Variants in XPR1 observed in about 807,000 individuals in gnomAD.
XPR1 encodes solute carrier family 53 member 1.
XPR1 carries 28 observed loss-of-function variants against 87.5 expected under a neutral mutation model. The ratio of observed to expected loss-of-function variants is 0.32; its 90% CI spans 0.24 to 0.44. The LOEUF is 0.44. Among genes scored for constraint, XPR1 ranks in the 20% least tolerant of loss-of-function variants. XPR1 has a pLI of 1.00. For synonymous variants in XPR1, 300 were observed against 306.1 expected, an observed-to-expected ratio of 0.98 and a Z score of 0.21; for missense variants, 559 against 862.3, an observed-to-expected ratio of 0.65 and a Z score of 4.41.
At chr1:180,646,668 T>C (rs1168031189) in intron 1 of XPR1, among the ~76,000 whole-genome samples, 1 of 152,182 alleles carries the variant, frequency 6.6e-6, no homozygotes, top group Non-Finnish European at 1.5e-5. Context: ...TCAAAGAAGC[T>C]CTCTGCTCAC....
At chr1:180,861,937 C>T (rs904091338) in intron 11 of XPR1, among the ~76,000 whole-genome samples, 5 of 151,786 alleles carry the variant, frequency 3.3e-5, no homozygotes, top group Admixed American at 1.3e-4. Flanking sequence ...TTCCATCATG[C>T]AAGTACAATA....
At chr1:180,696,108 G>T (rs1337880436) in intron 2 of XPR1, among the ~76,000 whole-genome samples, 1 of 148,796 alleles carries the variant, frequency 6.7e-6, no homozygotes, top group Non-Finnish European at 1.5e-5. Context: ...TCTTTCATTG[G>T]TGTTTTGTAG....
chr1:180,854,716 C>A (rs1187560169), intron 11 of XPR1, among the ~76,000 whole-genome samples: 1 of 152,156 alleles, frequency 6.6e-6, no homozygotes, highest in Non-Finnish European at 1.5e-5. Context: ...GGACTGGTTT[C>A]TGTTTAATTA....
intron 2 of XPR1, among the ~76,000 whole-genome samples, chr1:180,779,040 T>C (rs1019190844): frequency 6.6e-6 from 1 of 152,202 alleles, no homozygotes; most frequent in Non-Finnish European, 1.5e-5. Context: ...TCTTTAGGCA[T>C]CTCAGTTTCT....
chr1:180,706,095 T>TG (rs1657548577), intron 2 of XPR1, among the ~76,000 whole-genome samples: 1 of 152,210 alleles, frequency 6.6e-6, no homozygotes, highest in African/African-American at 2.4e-5. Context: ...CACTGGAGAA[T>TG]AGTTAGCTGT....
At chr1:180,775,250 C>CT in intron 2 of XPR1, among the ~76,000 whole-genome samples, 1 of 152,190 alleles carries the variant, frequency 6.6e-6, no homozygotes, top group South Asian at 2.1e-4. Context: ...AGTTAAGACT[C>CT]TTATGGTTCA....
chr1:180,831,010 C>G (rs1651036045), intron 9 of XPR1, among the ~76,000 whole-genome samples: 1 of 152,196 alleles, frequency 6.6e-6, no homozygotes, highest in East Asian at 1.9e-4. Context: ...CTGCCCAATA[C>G]ATTTAATACA....
At chr1:180,860,203 G>A (rs1313899612) in intron 11 of XPR1, among the ~76,000 whole-genome samples, 3 of 151,858 alleles carry the variant, frequency 2.0e-5, no homozygotes. Flanking sequence ...TTTTTTTAAT[G>A]ACAGTATCAA....
rs77502814 is a variant in XPR1 at position 180,829,413 on chromosome 1, G to C, written c.1134+4069G>C. Among the ~76,000 whole-genome samples the C allele has an allele frequency of 1.6e-3, 243 of 152,270 alleles. 1 individual carries two copies. The highest frequency in any genetic ancestry group is 5.5e-3 in the African/African-American group (229 of 41,544). ...CCAGATTAAGAAGAGAAGGAGGAGT[G>C]AGTTACAGAATTCTCTCCCAGAAGG... On this transcript the variant is annotated intron_variant, in intron 9 of 14. Coordinates refer to ENST00000367590, the MANE Select transcript of XPR1 (RefSeq NM_004736.4).
intron 2 of XPR1, among the ~76,000 whole-genome samples, chr1:180,720,329 A>G (rs1323827882): frequency 6.6e-6 from 1 of 152,168 alleles, no homozygotes; most frequent in African/African-American, 2.4e-5. Context: ...TTCAAATTCC[A>G]TTGTCTTAAA....
chr1:180,880,359 G>A (rs984954463), intron 14 of XPR1, 62 bp downstream of exon 14: 81 of 1,572,418 alleles, frequency 5.2e-5, no homozygotes, highest in African/African-American at 8.1e-5. Context: ...TGGGTAGCAT[G>A]TAAGCTAAAA....
At chr1:180,638,836 C>G (rs1654870198) in intron 1 of XPR1, among the ~76,000 whole-genome samples, 1 of 152,024 alleles carries the variant, frequency 6.6e-6, no homozygotes, top group African/African-American at 2.4e-5. Context: ...TTTTGTAATA[C>G]AAATAAATCT....
At chr1:180,732,211 G>A (rs61082632) in intron 2 of XPR1, among the ~76,000 whole-genome samples, 5,515 of 136,740 alleles carry the variant, frequency 0.04, 425 homozygotes, top group African/African-American at 0.14. Flanking sequence ...AAAAAAAAAA[G>A]AAGTAAAATA....
chr1:180,639,357 G>C (rs1413385677), intron 1 of XPR1, among the ~76,000 whole-genome samples: 1 of 151,594 alleles, frequency 6.6e-6, no homozygotes, highest in Non-Finnish European at 1.5e-5. Flanking sequence ...TTAATCTACT[G>C]TAAACATAAC....
chr1:180,791,397 G>A (rs1014562839), intron 3 of XPR1, among the ~76,000 whole-genome samples: 1 of 152,128 alleles, frequency 6.6e-6, no homozygotes, highest in Non-Finnish European at 1.5e-5. Flanking sequence ...TCAGCCTCCA[G>A]CATAGCTGGT....
chr1:180,771,390 C>G (rs1356485567), intron 2 of XPR1, among the ~76,000 whole-genome samples: 1 of 151,980 alleles, frequency 6.6e-6, no homozygotes, highest in Non-Finnish European at 1.5e-5. Flanking sequence ...CAGAAGAGTT[C>G]ATATATACTC....
chr1:180,847,518 T>C (rs1651722425), intron 11 of XPR1, among the ~76,000 whole-genome samples: 2 of 152,134 alleles, frequency 1.3e-5, no homozygotes, highest in African/African-American at 2.4e-5. Flanking sequence ...ATTTCTTTGA[T>C]TTAAAATTAG....
intron 1 of XPR1, among the ~76,000 whole-genome samples, chr1:180,668,732 T>G (rs1384194167): frequency 6.6e-6 from 1 of 152,232 alleles, no homozygotes; most frequent in Non-Finnish European, 1.5e-5. Flanking sequence ...TTTCTGTTAA[T>G]TGATTTCTAA....
At chr1:180,867,060 G>T (rs1420149909) in intron 12 of XPR1, among the ~76,000 whole-genome samples, 1 of 94,110 alleles carries the variant, frequency 1.1e-5, no homozygotes, top group Non-Finnish European at 2.1e-5. Context: ...AGAATATGCG[G>T]TGTTTGGTTT....
Sources: allele counts gnomAD v4.1 joint callset (sites outside exome capture counted in the v4.1 genomes callset), GRCh38; gene constraint gnomAD v4.1.1; transcripts MANE v1.5; gene names NCBI Gene and HGNC (gene_info 2026-07-23, HGNC 2026-07-21).